Variants in KDM4C observed in about 807,000 individuals in gnomAD.
The protein encoded by KDM4C is lysine-specific demethylase 4C.
KDM4C carries 81 observed loss-of-function variants against 129.3 expected under a neutral mutation model. The observed-to-expected ratio is 0.63, with a 90% confidence interval of 0.52 to 0.75. The LOEUF is 0.75. Among genes scored for constraint, KDM4C ranks in the 30% least tolerant of loss-of-function variants. KDM4C has a pLI of 0.00. For synonymous variants in KDM4C, 573 were observed against 456.1 expected (o/e 1.26, Z -3.26); for missense variants, 1,457 against 1,304.0 (o/e 1.12, Z -1.81).
intron 1 of KDM4C, among the ~76,000 whole-genome samples, chr9:6,737,344 A>G (rs1817555027): frequency 6.6e-6 from 1 of 151,890 alleles, no homozygotes; most frequent in Non-Finnish European, 1.5e-5. Context: ...CAAGCCAAAA[A>G]ACAAACAACC....
At chr9:6,997,643 A>AT (rs1412773441) in intron 12 of KDM4C, among the ~76,000 whole-genome samples, 2 of 152,192 alleles carry the variant, frequency 1.3e-5, no homozygotes, top group Non-Finnish European at 2.9e-5. Context: ...CAGTCAATAG[A>AT]TTTTGGAGTC....
chr9:7,106,741 A>G (rs552617960), intron 18 of KDM4C, among the ~76,000 whole-genome samples: 1 of 152,236 alleles, frequency 6.6e-6, no homozygotes, highest in East Asian at 1.9e-4. Context: ...GAGATCCTTT[A>G]GCCTCAGCCT....
chr9:6,915,645 G>C (rs779872110), intron 8 of KDM4C, among the ~76,000 whole-genome samples: 1 of 152,142 alleles, frequency 6.6e-6, no homozygotes, highest in Non-Finnish European at 1.5e-5. Flanking sequence ...AGAATAAAGA[G>C]ACTGCTTTTG....
chr9:6,923,457 CA>C (rs1362198037), intron 8 of KDM4C, among the ~76,000 whole-genome samples: 1 of 152,080 alleles, frequency 6.6e-6, no homozygotes, highest in African/African-American at 2.4e-5. Flanking sequence ...TATGAATGTG[CA>C]TCACTAGTGA....
intron 18 of KDM4C, among the ~76,000 whole-genome samples, chr9:7,113,593 C>G (rs183317985): frequency 4.6e-5 from 7 of 152,320 alleles, no homozygotes; most frequent in Admixed American, 3.3e-4. Flanking sequence ...AGGAGAGCCA[C>G]TGCAAACTCC....
intron 19 of KDM4C, among the ~76,000 whole-genome samples, chr9:7,164,500 C>T (rs1844158258): frequency 6.6e-6 from 1 of 152,056 alleles, no homozygotes; most frequent in Admixed American, 6.5e-5. Context: ...AAAAGGTGGG[C>T]TCGTCAATTA....
At chr9:6,839,384 C>A (rs2129764353) in intron 4 of KDM4C, among the ~76,000 whole-genome samples, 1 of 149,456 alleles carries the variant, frequency 6.7e-6, no homozygotes, top group East Asian at 2.0e-4. Flanking sequence ...CGCTTGCCAC[C>A]ACACCTGGCC....
intron 17 of KDM4C, among the ~76,000 whole-genome samples, chr9:7,069,940 T>C (rs1832966831): frequency 6.6e-6 from 1 of 152,192 alleles, no homozygotes; most frequent in African/African-American, 2.4e-5. Flanking sequence ...AATTGGGTAT[T>C]ATAAAGTGTA....
At chr9:7,113,864 A>G in intron 18 of KDM4C, among the ~76,000 whole-genome samples, 1 of 152,140 alleles carries the variant, frequency 6.6e-6, no homozygotes, top group South Asian at 2.1e-4. Flanking sequence ...GCCAGCATCT[A>G]GGAGTGTGGT....
chr9:6,949,736 G>T (rs943205840), intron 8 of KDM4C, among the ~76,000 whole-genome samples: 1 of 152,240 alleles, frequency 6.6e-6, no homozygotes, highest in Non-Finnish European at 1.5e-5. Flanking sequence ...CAGGCACTCA[G>T]CAGGCTGAGG....
At chr9:6,799,607 G>A (rs1436937119) in intron 2 of KDM4C, among the ~76,000 whole-genome samples, 1 of 149,216 alleles carries the variant, frequency 6.7e-6, no homozygotes, top group Non-Finnish European at 1.5e-5. Flanking sequence ...GGGGAGACGG[G>A]AGACGGGAGA....
chr9:6,842,010 G>A (rs896437083), intron 4 of KDM4C, among the ~76,000 whole-genome samples: 2 of 152,144 alleles, frequency 1.3e-5, no homozygotes, highest in African/African-American at 4.8e-5. Context: ...ATTGATCATG[G>A]AACAGAGAGA....
At chr9:6,940,963 A>G (rs1221890364) in intron 8 of KDM4C, among the ~76,000 whole-genome samples, 3 of 152,188 alleles carry the variant, frequency 2.0e-5, no homozygotes, top group Non-Finnish European at 2.9e-5. Flanking sequence ...TCTTTACTTA[A>G]TAATGCAACC....
intron 2 of KDM4C, among the ~76,000 whole-genome samples, chr9:6,799,063 C>T (rs1353333061): frequency 3.3e-5 from 5 of 151,034 alleles, no homozygotes; most frequent in Admixed American, 6.6e-5. Flanking sequence ...CGGGCAGAGA[C>T]GCTCCTCACT....
chr9:6,854,457 G>A (rs1839397554), intron 5 of KDM4C, among the ~76,000 whole-genome samples: 1 of 149,166 alleles, frequency 6.7e-6, no homozygotes, highest in Non-Finnish European at 1.5e-5. Context: ...TCTGGGAGGC[G>A]GAGGTTGAGG....
At chr9:6,826,741 C>A (rs1833944182) in intron 4 of KDM4C, among the ~76,000 whole-genome samples, 1 of 151,944 alleles carries the variant, frequency 6.6e-6, no homozygotes, top group South Asian at 2.1e-4. Flanking sequence ...GTGGCAGGGA[C>A]CTGTAGTGCC....
intron 17 of KDM4C, among the ~76,000 whole-genome samples, chr9:7,063,988 C>T (rs539909262): frequency 1.3e-5 from 2 of 152,302 alleles, no homozygotes; most frequent in African/African-American, 4.8e-5. Context: ...GTGGTGACTG[C>T]TGGCTGCTTA....
At chr9:6,894,523 C>T (rs993862870) in intron 8 of KDM4C, among the ~76,000 whole-genome samples, 6 of 152,228 alleles carry the variant, frequency 3.9e-5, no homozygotes, top group Admixed American at 3.3e-4. Flanking sequence ...TTATAGTTTG[C>T]ACCTTTACTT....
intron 19 of KDM4C, among the ~76,000 whole-genome samples, chr9:7,131,314 G>C (rs1325790066): frequency 6.6e-6 from 1 of 152,090 alleles, no homozygotes; most frequent in South Asian, 2.1e-4. Flanking sequence ...TCTTACTTTG[G>C]TGATGAATGA....
Sources: gnomAD v4.1 joint callset for allele counts (sites outside exome capture counted in the v4.1 genomes callset) on GRCh38, gnomAD v4.1.1 for gene constraint, MANE v1.5 for transcripts, NCBI Gene and HGNC (gene_info 2026-07-23, HGNC 2026-07-21) for gene names.